The following GPR39 variants were observed in gnomAD, a reference collection of about 807,000 sequenced individuals.
The protein encoded by GPR39 is zinc sensing receptor.
In GPR39, 23 loss-of-function variants were observed where a neutral mutation model predicts 18.4. The ratio of observed to expected loss-of-function variants is 1.25; its 90% confidence interval spans 0.90 to 1.77. GPR39 has a LOEUF of 1.77. Ranked by LOEUF, GPR39 falls within the 40% of genes most tolerant of loss-of-function variation. The probability of loss-of-function intolerance (pLI) is 0.00; values close to 1 mark genes in which losing one functional copy is unlikely to be tolerated. For missense variants in GPR39, 647 were observed against 602.4 expected, an observed-to-expected ratio of 1.07 and a Z score of -0.78; for synonymous variants, 280 against 257.9, an observed-to-expected ratio of 1.09 and a Z score of -0.82.
intron 1 of GPR39, among the ~76,000 whole-genome samples, chr2:132,498,355 C>T (rs550421023): frequency 7.6e-4 from 116 of 152,286 alleles, no homozygotes; most frequent in Middle Eastern, 3.4e-3. Context: ...ATTCCTGAGC[C>T]GCTTCACTGG....
chr2:132,620,914 G>T (rs566852989), intron 1 of GPR39, among the ~76,000 whole-genome samples: 2 of 151,960 alleles, frequency 1.3e-5, no homozygotes, highest in Non-Finnish European at 2.9e-5. Context: ...CACCACGCCC[G>T]GCTAATTTTT....
chr2:132,437,957 CTGTT>C (rs1469671703), intron 1 of GPR39, among the ~76,000 whole-genome samples: 17 of 152,332 alleles, frequency 1.1e-4, no homozygotes, highest in South Asian at 1.0e-3. Context: ...GCTAGTGAAA[CTGTT>C]TGGTGAACCA....
intron 1 of GPR39, among the ~76,000 whole-genome samples, chr2:132,528,442 A>G (rs974946049): frequency 2.6e-5 from 4 of 152,176 alleles, no homozygotes; most frequent in African/African-American, 9.7e-5. Context: ...TGAAATTTAA[A>G]ATAGTTTTTT....
intron 1 of GPR39, among the ~76,000 whole-genome samples, chr2:132,485,748 C>T (rs1189450949): frequency 6.6e-6 from 1 of 151,884 alleles, no homozygotes; most frequent in Non-Finnish European, 1.5e-5. Context: ...CTATTTCCAC[C>T]ATATATGCTA....
At chr2:132,611,117 C>G (rs1344956975) in intron 1 of GPR39, among the ~76,000 whole-genome samples, 2 of 152,204 alleles carry the variant, frequency 1.3e-5, no homozygotes, top group African/African-American at 4.8e-5. Flanking sequence ...AAGCACCCAA[C>G]TTCCCCGTGT....
At chr2:132,518,877 T>C (rs1573642776) in intron 1 of GPR39, among the ~76,000 whole-genome samples, 2 of 152,354 alleles carry the variant, frequency 1.3e-5, no homozygotes, top group African/African-American at 4.8e-5. Context: ...ATTTTACATT[T>C]ATGGTACATC....
intron 1 of GPR39, among the ~76,000 whole-genome samples, chr2:132,503,178 T>C (rs1291636345): frequency 2.0e-5 from 3 of 152,184 alleles, no homozygotes; most frequent in East Asian, 3.9e-4. Flanking sequence ...GTTTTTCTGG[T>C]TCCTTCTTTT....
intron 1 of GPR39, among the ~76,000 whole-genome samples, chr2:132,540,312 G>A (rs1679839803): frequency 6.6e-6 from 1 of 152,182 alleles, no homozygotes; most frequent in Non-Finnish European, 1.5e-5. Flanking sequence ...ATGAGCCCCA[G>A]GGTTCTGCTG....
Position 132,622,467 on chromosome 2 carries a change from A to C in GPR39, c.857-22634A>C, listed in dbSNP as rs192193190. Reference sequence around the variant, plus strand: ...GAGCCAATATGAGTGACCATGGACCAGGGAAACAGTCTCAGGAAATCCTTA... The same window carrying C: ...GAGCCAATATGAGTGACCATGGACCCGGGAAACAGTCTCAGGAAATCCTTA... On this transcript the variant is annotated intron_variant, in intron 1 of 1. Transcript: ENST00000329321. 2.8e-4 allele frequency among the ~76,000 whole-genome samples: 43 copies of C among 152,346 alleles called. 1 individual carries two copies. The highest frequency in any genetic ancestry group is 2.4e-3 in the Admixed American group (37 of 15,306).
chr2:132,483,771 T>G (rs1005835546), intron 1 of GPR39, among the ~76,000 whole-genome samples: 12 of 152,124 alleles, frequency 7.9e-5, no homozygotes, highest in Non-Finnish European at 1.5e-5. Context: ...GGCCTAGGGT[T>G]CAAGCCTCAA....
At chr2:132,507,260 G>A (rs570623661) in intron 1 of GPR39, among the ~76,000 whole-genome samples, 61 of 152,224 alleles carry the variant, frequency 4.0e-4, no homozygotes, top group Non-Finnish European at 7.2e-4. Flanking sequence ...ACCAGGTAGT[G>A]CTCAGTGAAA....
At chr2:132,552,561 A>G (rs1382269956) in intron 1 of GPR39, among the ~76,000 whole-genome samples, 2 of 152,308 alleles carry the variant, frequency 1.3e-5, no homozygotes, top group Non-Finnish European at 1.5e-5. Flanking sequence ...GGTATTCTTC[A>G]TAGCAATGCA....
intron 1 of GPR39, among the ~76,000 whole-genome samples, chr2:132,584,171 G>A (rs918917612): frequency 6.6e-6 from 1 of 152,110 alleles, no homozygotes; most frequent in African/African-American, 2.4e-5. Flanking sequence ...GTGGGCACGT[G>A]ACCTGGCCTG....
At chr2:132,464,065 C>T (rs1680879958) in intron 1 of GPR39, among the ~76,000 whole-genome samples, 1 of 152,198 alleles carries the variant, frequency 6.6e-6, no homozygotes, top group South Asian at 2.1e-4. Context: ...CTATTGGTCA[C>T]AGGAAGTCAC....
intron 1 of GPR39, among the ~76,000 whole-genome samples, chr2:132,499,709 T>C (rs1382533032): frequency 1.3e-5 from 2 of 152,216 alleles, no homozygotes; most frequent in Admixed American, 1.3e-4. Context: ...ATGGGATATG[T>C]TTCCGTTTGT....
intron 1 of GPR39, among the ~76,000 whole-genome samples, chr2:132,437,418 A>T (rs557255847): frequency 5.9e-5 from 9 of 152,294 alleles, no homozygotes; most frequent in Admixed American, 2.6e-4. Flanking sequence ...GAGAAGAGAC[A>T]TGCAGGGAGT....
intron 1 of GPR39, among the ~76,000 whole-genome samples, chr2:132,515,839 TTTATTA>T (rs1226880498): frequency 6.6e-6 from 1 of 152,134 alleles, no homozygotes; most frequent in Admixed American, 6.5e-5. Context: ...TTCCTCCCTG[TTTATTA>T]TTATTAAGTC....
At chr2:132,492,427 TACACCATATATATACACCATATATAC>T (rs1440225815) in intron 1 of GPR39, among the ~76,000 whole-genome samples, 30 of 142,774 alleles carry the variant, frequency 2.1e-4, no homozygotes, top group Admixed American at 1.1e-3. Flanking sequence ...ATACCATATA[TACACCATATATATACACCATATATAC>T]ACACCATATA....
intron 1 of GPR39, among the ~76,000 whole-genome samples, chr2:132,605,265 C>G (rs985552453): frequency 5.9e-5 from 9 of 151,592 alleles, no homozygotes; most frequent in Admixed American, 5.9e-4. Flanking sequence ...AAGGTGGCAT[C>G]AGAAAGAGGT....
Sources: allele counts gnomAD v4.1 joint callset (sites outside exome capture counted in the v4.1 genomes callset), GRCh38; gene constraint gnomAD v4.1.1; transcripts MANE v1.5; gene names NCBI Gene and HGNC (gene_info 2026-07-23, HGNC 2026-07-21).